NHSL1: variants seen among roughly 807,000 people sequenced by gnomAD.
NHSL1 encodes NHS like 1.
A neutral mutation model predicts 95.0 loss-of-function variants in NHSL1; 48 were observed. That is an observed-to-expected ratio of 0.51 (90% CI 0.40 to 0.64). The LOEUF is 0.64. Among genes scored for constraint, NHSL1 ranks in the 30% least tolerant of loss-of-function variants. The pLI is 0.00. For synonymous variants in NHSL1, 783 were observed against 833.9 expected, an observed-to-expected ratio of 0.94 and a Z score of 1.05; for missense variants, 1,971 against 2,077.7, an observed-to-expected ratio of 0.95 and a Z score of 1.00.
chr6:138,445,476 G>A (rs529198918), intron 4 of NHSL1, among the ~76,000 whole-genome samples: 1 of 151,286 alleles, frequency 6.6e-6, no homozygotes, highest in South Asian at 2.1e-4. Context: ...CAATAACACT[G>A]TTTGCTGAGA....
intron 1 of NHSL1, among the ~76,000 whole-genome samples, chr6:138,535,608 G>T (rs1288852915): frequency 3.3e-5 from 5 of 152,012 alleles, no homozygotes. Flanking sequence ...AGTCATAAAT[G>T]ACTTCAAGGT....
chr6:138,605,884 G>T (rs886243862), intron 1 of NHSL1, among the ~76,000 whole-genome samples: 4 of 152,216 alleles, frequency 2.6e-5, no homozygotes, highest in African/African-American at 9.7e-5. Flanking sequence ...TGGAAAGTGC[G>T]TGAGTACGAG....
chr6:138,645,270 T>C (rs991868316), intron 1 of NHSL1, among the ~76,000 whole-genome samples: 13 of 152,154 alleles, frequency 8.5e-5, no homozygotes, highest in African/African-American at 3.1e-4. Context: ...ATTCCTCCAA[T>C]GCAACAGGGC....
At chr6:138,482,321 C>T (rs1779466206) in intron 2 of NHSL1, among the ~76,000 whole-genome samples, 1 of 152,034 alleles carries the variant, frequency 6.6e-6, no homozygotes, top group South Asian at 2.1e-4. Context: ...TGGCGGGTGC[C>T]TGTAGTCCCA....
At chr6:138,492,859 A>G (rs1204449210) in intron 2 of NHSL1, among the ~76,000 whole-genome samples, 2 of 152,232 alleles carry the variant, frequency 1.3e-5, no homozygotes, top group African/African-American at 2.4e-5. Flanking sequence ...AGAAGAAGAA[A>G]CAAAATGATT....
At chr6:138,625,215 T>G (rs972004116) in intron 1 of NHSL1, among the ~76,000 whole-genome samples, 7 of 152,300 alleles carry the variant, frequency 4.6e-5, no homozygotes, top group Admixed American at 6.5e-5. Flanking sequence ...TGATCTCAGC[T>G]CACTGCAACC....
chr6:138,462,033 A>G (rs564056821), intron 3 of NHSL1, among the ~76,000 whole-genome samples: 6 of 152,306 alleles, frequency 3.9e-5, no homozygotes, highest in African/African-American at 1.4e-4. Flanking sequence ...GAGTCCATTA[A>G]GGAGGAGATG....
chr6:138,474,681 T>C (rs1389944333), intron 2 of NHSL1, among the ~76,000 whole-genome samples: 1 of 152,218 alleles, frequency 6.6e-6, no homozygotes, highest in African/African-American at 2.4e-5. Context: ...TGGTCTGGGC[T>C]GGCAACTACT....
chr6:138,620,397 A>G (rs916343642), intron 1 of NHSL1, among the ~76,000 whole-genome samples: 2 of 152,236 alleles, frequency 1.3e-5, no homozygotes, highest in African/African-American at 4.8e-5. Context: ...TTATTAATAC[A>G]ATTATTTATA....
In NHSL1 at chr6:138,569,328, G is replaced by C. The variant is rs77627645; in HGVS notation, c.202+2382C>G. The stretch of plus-strand genomic sequence containing the variant: ...AAAAGAGAGAGAGCGAGAGAGTGGG[G>C]AGGAGGGAGAGTTTTTGGCAATCTG... On this transcript the variant is annotated intron_variant, in intron 1 of 6. Transcript: ENST00000427025. Among the ~76,000 whole-genome samples the C allele has an allele frequency of 9.6e-3, 1,466 of 152,086 alleles. 25 individuals carry two copies. The highest frequency in any genetic ancestry group is 9.3e-3 in the Non-Finnish European group (630 of 67,974).
At chr6:138,425,068 CA>C (rs111941160) in intron 7 of NHSL1, among the ~76,000 whole-genome samples, 1 of 149,386 alleles carries the variant, frequency 6.7e-6, no homozygotes, top group Admixed American at 6.7e-5. Flanking sequence ...TATCTCTATT[CA>C]AAAAAAAAGA....
chr6:138,448,288 A>T (rs1776992042), intron 3 of NHSL1, among the ~76,000 whole-genome samples: 1 of 152,238 alleles, frequency 6.6e-6, no homozygotes, highest in Admixed American at 6.5e-5. Flanking sequence ...CAGGGTGCTT[A>T]GGAACACAAC....
At chr6:138,509,951 A>G (rs905146965) in intron 1 of NHSL1, among the ~76,000 whole-genome samples, 4 of 152,260 alleles carry the variant, frequency 2.6e-5, no homozygotes, top group African/African-American at 9.6e-5. Flanking sequence ...AAAGCCTTAC[A>G]CAAAGGAGTC....
chr6:138,586,966 T>C (rs1304718350), intron 1 of NHSL1, among the ~76,000 whole-genome samples: 1 of 152,012 alleles, frequency 6.6e-6, no homozygotes, highest in African/African-American at 2.4e-5. Context: ...GTTTTCTCGT[T>C]GGGCGCGTGT....
chr6:138,539,004 G>C (rs146014131), intron 1 of NHSL1, among the ~76,000 whole-genome samples: 1 of 152,174 alleles, frequency 6.6e-6, no homozygotes, highest in African/African-American at 2.4e-5. Context: ...ATGGATCTCA[G>C]GGTTAACCAC....
intron 1 of NHSL1, among the ~76,000 whole-genome samples, chr6:138,651,670 C>T (rs765248885): frequency 6.6e-5 from 10 of 152,178 alleles, no homozygotes; most frequent in Non-Finnish European, 1.0e-4. Context: ...TGAAGGATCT[C>T]CTGTCTGACA....
intron 3 of NHSL1, among the ~76,000 whole-genome samples, chr6:138,456,699 G>T (rs564278271): frequency 6.6e-6 from 1 of 152,038 alleles, no homozygotes; most frequent in Non-Finnish European, 1.5e-5. Context: ...ATTCCCTATC[G>T]ACTCACAGTA....
intron 1 of NHSL1, among the ~76,000 whole-genome samples, chr6:138,599,560 T>C (rs187481247): frequency 4.2e-4 from 64 of 152,308 alleles, no homozygotes; most frequent in African/African-American, 1.5e-3. Context: ...TTTCTCCTTA[T>C]ATAACATATG....
intron 1 of NHSL1, among the ~76,000 whole-genome samples, chr6:138,609,181 T>C (rs918391303): frequency 3.3e-5 from 5 of 152,016 alleles, no homozygotes; most frequent in Non-Finnish European, 7.4e-5. Context: ...GACAAGCAAA[T>C]GGATGTTGCT....
Sources: allele counts gnomAD v4.1 joint callset (sites outside exome capture counted in the v4.1 genomes callset), GRCh38; gene constraint gnomAD v4.1.1; transcripts MANE v1.5; gene names NCBI Gene and HGNC (gene_info 2026-07-23, HGNC 2026-07-21).